VRK2: variants seen among roughly 807,000 people sequenced by gnomAD.
VRK2 encodes serine/threonine-protein kinase VRK2.
Under a neutral mutation model 57.6 loss-of-function variants are expected in VRK2, and 60 were observed. That is an observed-to-expected ratio of 1.04 (90% CI 0.85 to 1.29). VRK2 has a LOEUF of 1.29. Ranked by LOEUF, VRK2 falls within the 50% of genes most tolerant of loss-of-function variation. VRK2 has a pLI of 0.00. For synonymous variants in VRK2, 231 were observed against 199.2 expected (o/e 1.16, Z -1.35); for missense variants, 705 against 588.1 (o/e 1.20, Z -2.06).
chr2:57,921,541 A>G (rs1670349794), intron 1 of VRK2, among the ~76,000 whole-genome samples: 1 of 152,078 alleles, frequency 6.6e-6, no homozygotes, highest in South Asian at 2.1e-4. Context: ...TGAAAAGGTT[A>G]ATTATATAAT....
chr2:58,007,065 C>G (rs1000019910), intron 1 of VRK2, among the ~76,000 whole-genome samples: 3 of 151,872 alleles, frequency 2.0e-5, no homozygotes, highest in Admixed American at 2.0e-4. Flanking sequence ...GGAACTGACA[C>G]CATCAATATT....
intron 11 of VRK2, among the ~76,000 whole-genome samples, chr2:58,140,278 TAA>T (rs1486804299): frequency 5.9e-5 from 9 of 151,954 alleles, no homozygotes; most frequent in Non-Finnish European, 2.9e-5. Flanking sequence ...TTACAGAAAA[TAA>T]AAGAGTTTAT....
intron 7 of VRK2, among the ~76,000 whole-genome samples, chr2:58,103,995 G>GA (rs1674389317): frequency 6.6e-6 from 1 of 151,628 alleles, no homozygotes; most frequent in South Asian, 2.1e-4. Flanking sequence ...TATACATGCA[G>GA]AAAAAAAGCA....
intron 1 of VRK2, among the ~76,000 whole-genome samples, chr2:57,998,147 T>C (rs1327526105): frequency 1.3e-5 from 2 of 152,188 alleles, no homozygotes; most frequent in Non-Finnish European, 2.9e-5. Context: ...TGGGCAGGGT[T>C]GAGCGGAACT....
intron 10 of VRK2, among the ~76,000 whole-genome samples, chr2:58,138,778 G>T (rs146184219): frequency 1.3e-5 from 2 of 152,152 alleles, no homozygotes; most frequent in Admixed American, 1.3e-4. Flanking sequence ...AAAGGGAAAG[G>T]CATATCTAAA....
intron 7 of VRK2, among the ~76,000 whole-genome samples, chr2:58,090,597 A>C (rs1359030326): frequency 6.6e-6 from 1 of 152,120 alleles, no homozygotes; most frequent in African/African-American, 2.4e-5. Flanking sequence ...GCTCATGGAA[A>C]TTTGTTGCTA....
At chr2:58,071,774 G>A (rs1010319946) in intron 2 of VRK2, among the ~76,000 whole-genome samples, 1 of 151,872 alleles carries the variant, frequency 6.6e-6, no homozygotes, top group Admixed American at 6.6e-5. Context: ...TGGATCTTTT[G>A]CCTTTATGTA....
chr2:57,988,468 G>T (rs569089769), intron 1 of VRK2, among the ~76,000 whole-genome samples: 35 of 152,276 alleles, frequency 2.3e-4, no homozygotes, highest in African/African-American at 8.2e-4. Context: ...GTCTGTGAGG[G>T]TATTTCTGGA....
intron 12 of VRK2, among the ~76,000 whole-genome samples, chr2:58,156,212 C>A (rs1188776310): frequency 6.6e-6 from 1 of 152,064 alleles, no homozygotes; most frequent in Non-Finnish European, 1.5e-5. Context: ...AAGGATGTTT[C>A]CATCTTCATA....
At chr2:58,132,204 G>A (rs1363393765) in intron 9 of VRK2, among the ~76,000 whole-genome samples, 1 of 152,116 alleles carries the variant, frequency 6.6e-6, no homozygotes, top group African/African-American at 2.4e-5. Flanking sequence ...GATTCTAGGT[G>A]GTAGTGTTTT....
intron 1 of VRK2, among the ~76,000 whole-genome samples, chr2:57,913,008 G>T (rs951766632): frequency 6.6e-6 from 1 of 152,248 alleles, no homozygotes; most frequent in Non-Finnish European, 1.5e-5. Flanking sequence ...ACCAGGAAGT[G>T]GGCCTCCTCA....
chr2:58,159,404 T>A lies in VRK2; in HGVS notation c.1238T>A (p.Val413Glu), dbSNP rs1684698284. 6.2e-7 allele frequency: 1 copy of A among 1,613,336 alleles called. No individual in the cohort carries two copies. Among genetic ancestry groups the A allele is most frequent in the African/African-American group, 1.3e-5 (1 of 74,880 alleles). The change falls in exon 13 of 13, where the codon GTA becomes GAA. Residue 413 changes from valine to glutamate, a missense_variant. Val to Glu is a moderately radical substitution (Grantham distance 121). Transcript: ENST00000340157. ...YQESQEPLNE[V>E]NSFPQKISYT... ...GAGTCTCAAGAACCTTTGAATGAAG[T>A]AAACAGTTTCCCACAAAAAATCAGC...
Position 58,137,644 on chromosome 2 carries a change from G to A in VRK2, c.857-2022G>A, listed in dbSNP as rs544919237. On this transcript the variant is annotated intron_variant, in intron 10 of 12. Coordinates refer to ENST00000340157, the MANE Select transcript of VRK2 (RefSeq NM_006296.7). The stretch of plus-strand genomic sequence containing the variant: ...AACTGATTTACAAAAGTTTATTACC[G>A]AAACATTTTATGAAATAAAACAGCC... Among the ~76,000 whole-genome samples, 13 of 152,088 alleles carry A rather than the reference G, an allele frequency of 8.5e-5. 1 individual carries two copies. The South Asian group carries it at 1.5e-3, about 17-fold the overall frequency.
At chr2:58,112,128 G>C (rs1675662564) in intron 7 of VRK2, among the ~76,000 whole-genome samples, 3 of 152,192 alleles carry the variant, frequency 2.0e-5, no homozygotes, top group Admixed American at 6.5e-5. Context: ...TTTGAAAAAA[G>C]AGAATGGAAT....
chr2:58,144,243 C>G (rs1301279783), intron 11 of VRK2, among the ~76,000 whole-genome samples: 1 of 151,710 alleles, frequency 6.6e-6, no homozygotes, highest in Non-Finnish European at 1.5e-5. Flanking sequence ...GGGATGAGAC[C>G]TGGGGAAAAT....
chr2:58,093,712 TG>T (rs1237037016), intron 7 of VRK2, among the ~76,000 whole-genome samples: 4 of 152,200 alleles, frequency 2.6e-5, no homozygotes, highest in African/African-American at 9.6e-5. Flanking sequence ...CCATTGCTTT[TG>T]GTGTTTTAGT....
At chr2:58,069,585 A>T (rs1022565959) in intron 2 of VRK2, among the ~76,000 whole-genome samples, 1 of 151,796 alleles carries the variant, frequency 6.6e-6, no homozygotes, top group South Asian at 2.1e-4. Flanking sequence ...ATTAGATACC[A>T]CTCTCTTTTG....
At chr2:57,938,750 T>C (rs530116596) in intron 1 of VRK2, among the ~76,000 whole-genome samples, 1 of 152,226 alleles carries the variant, frequency 6.6e-6, no homozygotes, top group African/African-American at 2.4e-5. Context: ...ATCTAGTCAA[T>C]GGAGACAAGA....
chr2:57,943,155 A>G (rs1033026855), intron 1 of VRK2, among the ~76,000 whole-genome samples: 1 of 152,164 alleles, frequency 6.6e-6, no homozygotes, highest in Non-Finnish European at 1.5e-5. Flanking sequence ...AAGCTATCAA[A>G]CTGAATGCTT....
Sources: gnomAD v4.1 joint callset for allele counts (sites outside exome capture counted in the v4.1 genomes callset) on GRCh38, gnomAD v4.1.1 for gene constraint, MANE v1.5 for transcripts, NCBI Gene and HGNC (gene_info 2026-07-23, HGNC 2026-07-21) for gene names.